KIF13B: variants seen among roughly 807,000 people sequenced by gnomAD.
KIF13B encodes kinesin family member 13B, also known as kinesin-like protein KIF13B.
Under a neutral mutation model 222.0 loss-of-function variants are expected in KIF13B, and 127 were observed. That is an observed-to-expected ratio of 0.57 (90% CI 0.50 to 0.66). The LOEUF is 0.66. Ranked by LOEUF, KIF13B falls within the 30% of genes least tolerant of loss-of-function variation. KIF13B has a pLI of 0.00. For missense variants in KIF13B, 2,173 were observed against 2,379.0 expected (o/e 0.91, Z 1.80); for synonymous variants, 976 against 919.0 (o/e 1.06, Z -1.12).
intron 8 of KIF13B, among the ~76,000 whole-genome samples, chr8:29,177,779 GT>G (rs1355755185): frequency 1.3e-5 from 2 of 151,984 alleles, no homozygotes; most frequent in Non-Finnish European, 2.9e-5. Context: ...CCATGGTGGC[GT>G]GTGCCTGTAG....
chr8:29,196,494 C>T (rs1455663560), intron 2 of KIF13B, among the ~76,000 whole-genome samples: 1 of 152,040 alleles, frequency 6.6e-6, no homozygotes. Flanking sequence ...ATAGATTTTG[C>T]TTTTATCTTT....
At chr8:29,142,937 C>T (rs1173126291) in intron 18 of KIF13B, among the ~76,000 whole-genome samples, 1 of 152,128 alleles carries the variant, frequency 6.6e-6, no homozygotes, top group Non-Finnish European at 1.5e-5. Context: ...ACTGCAGCCT[C>T]GAACTCCTGG....
At position 29,136,956 on chromosome 8, in the gene KIF13B, C is replaced by T. The variant is rs756104948; in HGVS notation, c.2614-2746G>A. The stretch of plus-strand genomic sequence containing the variant: ...CTGGGACTAAAGGTGCCCACCACCA[C>T]GCCCGGCTAATTTTTTTGTATTTTT... On this transcript the variant is annotated intron_variant, in intron 21 of 39. Coordinates refer to ENST00000524189, the MANE Select transcript of KIF13B (RefSeq NM_015254.4). 4.6e-5 allele frequency among the ~76,000 whole-genome samples: 7 copies of T among 151,952 alleles called. No individual in the cohort carries two copies. The East Asian group carries it at 5.8e-4, about 13-fold the overall frequency.
chr8:29,069,878 G>A lies in KIF13B; in HGVS notation c.*626C>T, dbSNP rs987765699. 2 of 151,908 alleles carry A rather than the reference G, an allele frequency of 1.3e-5. No individual in the cohort carries two copies. The highest frequency in any genetic ancestry group is 2.9e-5 in the Non-Finnish European group (2 of 68,102). The allele number at this position is 151,908 out of a possible 1,614,324, so 9.4% of individuals were successfully genotyped here. A position where few individuals can be genotyped will look rare whatever the true frequency, so the allele number is the denominator to read the frequency against. On this transcript the variant is annotated 3_prime_UTR_variant, in exon 40 of 40. Coordinates refer to ENST00000524189, the MANE Select transcript of KIF13B (RefSeq NM_015254.4). ...TAAGAAACCCTGGCAGAGGAGGGAT[G>A]GGGGGGCTCAGGCCCTCGGCCCCCG...
intron 36 of KIF13B, among the ~76,000 whole-genome samples, chr8:29,093,941 T>G (rs1487309942): frequency 6.6e-6 from 1 of 152,138 alleles, no homozygotes; most frequent in Non-Finnish European, 1.5e-5. Context: ...AAAATAGGGT[T>G]AAGATGAATA....
Position 29,122,642 on chromosome 8 carries a change from G to C in KIF13B, c.3484C>G (p.Pro1162Ala). 6 of 1,607,338 alleles carry C rather than the reference G, an allele frequency of 3.7e-6. No individual in the cohort carries two copies. Among genetic ancestry groups the C allele is most frequent in the Non-Finnish European group, 5.1e-6 (6 of 1,176,792 alleles). Reference protein sequence around the residue: ...GIPGAPAEWTPVPGMETHIPV... With the variant: ...GIPGAPAEWTAVPGMETHIPV... ...ATGTGTGTCTCCATCCCAGGTACTG[G>C]GGTCCTAAAACGGGAAGAACAAATG... Residue 1162 changes from proline (P) to alanine (A), a missense_variant, in exon 29 of 40, where the codon CCA becomes GCA. Physicochemically the swap from Pro to Ala is conservative, Grantham distance 27. Coordinates refer to ENST00000524189, the MANE Select transcript of KIF13B (RefSeq NM_015254.4).
chr8:29,125,936 G>A (rs1417740074), intron 26 of KIF13B, among the ~76,000 whole-genome samples: 1 of 151,916 alleles, frequency 6.6e-6, no homozygotes, highest in Admixed American at 6.6e-5. Context: ...GTGAAACCCC[G>A]TCTCTAGTAA....
At chr8:29,220,837 T>C (rs919579289) in intron 2 of KIF13B, among the ~76,000 whole-genome samples, 2 of 152,176 alleles carry the variant, frequency 1.3e-5, no homozygotes, top group Admixed American at 1.3e-4. Context: ...CAATACGTTA[T>C]GTAAAAACAT....
intron 14 of KIF13B, among the ~76,000 whole-genome samples, chr8:29,153,318 C>T (rs1479712236): frequency 6.6e-6 from 1 of 152,176 alleles, no homozygotes; most frequent in Non-Finnish European, 1.5e-5. Context: ...ACAAACATCT[C>T]CTGATATCAG....
At chr8:29,186,700 G>C (rs1812944949) in intron 5 of KIF13B, among the ~76,000 whole-genome samples, 1 of 152,136 alleles carries the variant, frequency 6.6e-6, no homozygotes, top group Non-Finnish European at 1.5e-5. Flanking sequence ...GCTCACGCCT[G>C]TAATTCCCAG....
In KIF13B at chr8:29,180,167, A is replaced by G; in HGVS notation, c.657T>C (p.Ser219=). 1 of 1,613,844 alleles carries G rather than the reference A, an allele frequency of 6.2e-7. No homozygotes were observed. Among genetic ancestry groups the G allele is most frequent in the Admixed American group, 1.7e-5 (1 of 60,010 alleles). Residue 219 remains serine, a synonymous_variant, in exon 8 of 40, where the codon AGT becomes AGC. Coordinates refer to ENST00000524189, the MANE Select transcript of KIF13B (RefSeq NM_015254.4). ...TVAATNMNEE[S]SRSHAVFKIT... ...TTTTGAAAACTGCATGGGATCGGCTACTCTCCTCGTTCATGTTGGTTGCAG... is the reference window on the plus strand; with the variant it reads ...TTTTGAAAACTGCATGGGATCGGCTGCTCTCCTCGTTCATGTTGGTTGCAG...
chr8:29,132,535 A>G (rs1586821539), intron 22 of KIF13B, 70 bp from the exon 23 acceptor site: 1 of 982,196 alleles, frequency 1.0e-6, no homozygotes, highest in Non-Finnish European at 1.4e-6. Context: ...TATACCAGAC[A>G]TCACATACTT....
intron 9 of KIF13B, 107 bp downstream of exon 9, chr8:29,177,359 T>TA: frequency 1.2e-6 from 1 of 804,878 alleles, no homozygotes. Context: ...CCATTGAAAA[T>TA]ACCAGAAAAA....
chr8:29,104,392 T>A (rs1445791034), intron 35 of KIF13B, among the ~76,000 whole-genome samples: 2 of 152,048 alleles, frequency 1.3e-5, no homozygotes, highest in African/African-American at 4.8e-5. Flanking sequence ...AGTACCCCTC[T>A]CCAACCCATC....
intron 35 of KIF13B, among the ~76,000 whole-genome samples, chr8:29,105,650 G>GTT (rs869030059): frequency 0.43 from 32,897 of 77,100 alleles, 12,818 homozygotes; most frequent in Non-Finnish European, 0.51. Flanking sequence ...AGTTTGTTTG[G>GTT]TTTTTTTTTT....
At position 29,221,097 on chromosome 8, in the gene KIF13B, CTT is replaced by C. The variant is rs60915605; in HGVS notation, c.149+24247_149+24248del. On this transcript the variant is annotated intron_variant, in intron 2 of 39. Transcript: ENST00000524189. ...AGCTGAGGCTGCAGTGAGCTGTGTT[CTT>C]TTTTTTTTTTTTTTTTTTTTTGAGA... Among the ~76,000 whole-genome samples, 493 of 112,702 alleles carry C rather than the reference CTT, an allele frequency of 4.4e-3. 1 individual carries two copies. Among genetic ancestry groups the C allele is most frequent in the African/African-American group, 0.018 (469 of 25,852 alleles). 73.9% of individuals were successfully genotyped at this position (112,702 alleles called of 152,430 possible).
At chr8:29,075,422 A>G in intron 37 of KIF13B, 79 bp from the exon 38 acceptor site, 1 of 1,341,088 alleles carries the variant, frequency 7.5e-7, no homozygotes, top group South Asian at 1.4e-5. Context: ...CACAGGCTGG[A>G]GGGCCAGGAC....
At chr8:29,207,083 T>C (rs530515229) in intron 2 of KIF13B, among the ~76,000 whole-genome samples, 1 of 152,162 alleles carries the variant, frequency 6.6e-6, no homozygotes, top group South Asian at 2.1e-4. Context: ...CTCAAACCCC[T>C]CAATGGCTCC....
intron 3 of KIF13B, among the ~76,000 whole-genome samples, chr8:29,192,718 A>G (rs1420861249): frequency 6.6e-6 from 1 of 152,180 alleles, no homozygotes; most frequent in Admixed American, 6.5e-5. Flanking sequence ...TTAGGTTAAG[A>G]TGGTAAATTA....
Sources: allele counts gnomAD v4.1 joint callset (sites outside exome capture counted in the v4.1 genomes callset), GRCh38; gene constraint gnomAD v4.1.1; transcripts MANE v1.5; gene names NCBI Gene and HGNC (gene_info 2026-07-23, HGNC 2026-07-21).